The following MTCL1 variants were observed in gnomAD, a reference collection of about 807,000 sequenced individuals.
The protein encoded by MTCL1 is microtubule crosslinking factor 1, also known as microtubule cross-linking factor 1.
MTCL1 carries 79 observed loss-of-function variants against 141.4 expected under a neutral mutation model. That is an observed-to-expected ratio of 0.56 (90% CI 0.47 to 0.67). The LOEUF is 0.67. MTCL1 is among the 30% of genes least tolerant of loss of function. The probability of loss-of-function intolerance (pLI) is 0.00; values close to 1 mark genes in which losing one functional copy is unlikely to be tolerated. For missense variants in MTCL1, 2,177 were observed against 2,113.9 expected (o/e 1.03, Z -0.59); for synonymous variants, 914 against 875.8 (o/e 1.04, Z -0.77).
At chr18:8,786,120 C>CCAT (rs775582104) in intron 7 of MTCL1, 29 bp downstream of exon 6, 4 of 1,345,742 alleles carry the variant, frequency 3.0e-6, no homozygotes, top group Middle Eastern at 1.9e-4. Context: ...TCCCCCCCCC[C>CCAT]CGCCCTCCCC....
At position 8,730,012 on chromosome 18, in the gene MTCL1, G is replaced by A. The variant is rs369870257; in HGVS notation, c.357+9516G>A. On this transcript the variant is annotated intron_variant, in intron 4 of 16. Transcript: ENST00000359865. The stretch of plus-strand genomic sequence containing the variant: ...AACTTAGGTCAAGCTTCATTTTTTT[G>A]GCCTGTGAACACCCAGTTACTCTGG... 5.3e-5 allele frequency among the ~76,000 whole-genome samples: 8 copies of A among 151,586 alleles called. No homozygotes were observed. The East Asian group carries it at 5.8e-4, about 11-fold the overall frequency.
chr18:8,783,278 A>AT (rs940711797), intron 5 of MTCL1, among the ~76,000 whole-genome samples: 10 of 150,520 alleles, frequency 6.6e-5, no homozygotes, highest in African/African-American at 9.8e-5. Context: ...TTCCAAACTA[A>AT]TTTTTTTTTG....
At chr18:8,713,509 G>A (rs1428487721), upstream of MTCL1, among the ~76,000 whole-genome samples, 1 of 152,164 alleles carries the variant, frequency 6.6e-6, no homozygotes, top group African/African-American at 2.4e-5. Flanking sequence ...ATTGGAGCAT[G>A]CCGTCAGAAA....
At chr18:8,729,100 G>T (rs6506611) in intron 4 of MTCL1, among the ~76,000 whole-genome samples, 65,824 of 151,434 alleles carry the variant, frequency 0.43, 15,879 homozygotes, top group African/African-American at 0.63. Context: ...CTGGAGTCCA[G>T]TGGTGTGATC....
At position 8,805,758 on chromosome 18, in the gene MTCL1, A is replaced by G. The variant is rs1483363496; in HGVS notation, c.2437-1135A>G. On this transcript the variant is annotated intron_variant, in intron 10 of 16. Transcript: ENST00000359865. Reference sequence around the variant, plus strand: ...AGAGAGCTTTTATAACTCTTGCTTCATACATGCACCAAAAAAGAATGCCCT... The same window carrying G: ...AGAGAGCTTTTATAACTCTTGCTTCGTACATGCACCAAAAAAGAATGCCCT... Among the ~76,000 whole-genome samples, 7 of 152,172 alleles carry G rather than the reference A, an allele frequency of 4.6e-5. No homozygotes were observed. In the South Asian group the frequency reaches 1.0e-3, roughly 23 times the overall value.
intron 4 of MTCL1, among the ~76,000 whole-genome samples, chr18:8,730,639 G>A (rs1420466238): frequency 6.6e-6 from 1 of 152,180 alleles, no homozygotes; most frequent in South Asian, 2.1e-4. Flanking sequence ...CTTGTCCCCT[G>A]TGCGCTGTAC....
chr18:8,773,252 C>T (rs951856895), intron 4 of MTCL1, among the ~76,000 whole-genome samples: 3 of 152,164 alleles, frequency 2.0e-5, no homozygotes, highest in Admixed American at 6.5e-5. Flanking sequence ...CCCCTGCACC[C>T]CCTGCCATGC....
At chr18:8,736,915 C>T (rs894204966) in intron 4 of MTCL1, among the ~76,000 whole-genome samples, 5 of 152,164 alleles carry the variant, frequency 3.3e-5, no homozygotes, top group African/African-American at 4.8e-5. Context: ...GCTAGGATTA[C>T]AGGCGTGAGC....
chr18:8,738,969 G>A (rs1463726666), intron 4 of MTCL1, among the ~76,000 whole-genome samples: 4 of 152,198 alleles, frequency 2.6e-5, no homozygotes, highest in African/African-American at 9.7e-5. Context: ...CAGGCATGGT[G>A]GAGCACGCCT....
chr18:8,741,753 A>C (rs1395563281), intron 4 of MTCL1, among the ~76,000 whole-genome samples: 2 of 152,202 alleles, frequency 1.3e-5, no homozygotes, highest in South Asian at 4.1e-4. Context: ...TTCTCAGTGG[A>C]CTTGGTGGCC....
chr18:8,717,928 C>T lies in MTCL1; in HGVS notation c.-62C>T, dbSNP rs986466181. On this transcript the variant is annotated 5_prime_UTR_variant, in exon 2 of 17. Transcript: ENST00000359865. ...GCGTCGCTTAGTCAATGCTGAGATG[C>T]GTCTTGTGGAACAGAATTTTTGGGA... is the stretch of plus-strand genomic sequence containing the variant. 5 of 996,036 alleles carry T rather than the reference C, an allele frequency of 5.0e-6. No individual in the cohort carries two copies. The African/African-American group carries it at 7.0e-5, about 14-fold the overall frequency. The allele number at this position is 996,036 out of a possible 1,614,324, so 61.7% of individuals were successfully genotyped here.
intron 4 of MTCL1, among the ~76,000 whole-genome samples, chr18:8,730,716 G>A (rs982668779): frequency 9.2e-5 from 14 of 152,182 alleles, no homozygotes; most frequent in African/African-American, 3.4e-4. Context: ...GGACCTTTTA[G>A]GGCAGATTAT....
rs916759473 is a variant in MTCL1 at position 8,810,193 on chromosome 18, C to T, written c.2605-2786C>T. 4 of 152,868 alleles carry T rather than the reference C, an allele frequency of 2.6e-5. No homozygotes were observed. The highest frequency in any genetic ancestry group is 2.9e-5 in the Non-Finnish European group (2 of 68,580). 9.5% of individuals were successfully genotyped at this position (152,868 alleles called of 1,614,324 possible). A position where few individuals can be genotyped will look rare whatever the true frequency, so the allele number is the denominator to read the frequency against. On this transcript the variant is annotated intron_variant, in intron 11 of 16. Coordinates refer to ENST00000359865, the Ensembl canonical transcript of MTCL1. This position sits in a 1 kb window ranked among gnomAD's most constrained non-coding sequence, Gnocchi z 5.0. ...TGCAAAACTTGACAAGAACAGTTGC[C>T]GTCAGGTGTGCGGGGCTGAAGGACT...
At chr18:8,824,720 G>A in exon 15 of MTCL1, 1 of 1,613,216 alleles carries the variant, frequency 6.2e-7, no homozygotes, top group Non-Finnish European at 8.5e-7. Context: ...TGTCCTCCAT[G>A]TCTGAGTTCC....
chr18:8,823,882 A>G (rs1475722863), intron 14 of MTCL1, among the ~76,000 whole-genome samples: 1 of 152,180 alleles, frequency 6.6e-6, no homozygotes, highest in Non-Finnish European at 1.5e-5. Context: ...GGAGTGGTCC[A>G]TACACTCAAT....
In MTCL1 at chr18:8,756,493, GTATATA is replaced by G. The variant is rs1567984077; in HGVS notation, c.358-21338_358-21333del. On this transcript the variant is annotated intron_variant, in intron 4 of 16. Transcript: ENST00000359865. ...TATGTGTGTATATGTGTGTATATATGTATATATGTGTGTATATATATGTGTGTATAT... is the reference window on the plus strand; with the variant it reads ...TATGTGTGTATATGTGTGTATATATGTGTGTGTATATATATGTGTGTATAT... Among the ~76,000 whole-genome samples the G allele has an allele frequency of 2.9e-3, 411 of 143,192 alleles. 2 individuals carry two copies. Among genetic ancestry groups the G allele is most frequent in the African/African-American group, 0.012 (399 of 33,690 alleles). 93.9% of individuals were successfully genotyped at this position (143,192 alleles called of 152,430 possible).
At chr18:8,821,314 G>A (rs1447755355) in intron 13 of MTCL1, among the ~76,000 whole-genome samples, 153 bp from the exon 13 acceptor site, 2 of 152,164 alleles carry the variant, frequency 1.3e-5, no homozygotes, top group Non-Finnish European at 2.9e-5. Flanking sequence ...AAAGGCCTCA[G>A]GGCAGTAGCA....
chr18:8,825,128 G>T (rs200633031), exon 15 of MTCL1: 1 of 1,590,260 alleles, frequency 6.3e-7, no homozygotes, highest in African/African-American at 1.3e-5. Context: ...ACAGCATCAC[G>T]GCGGCAGGTG....
intron 4 of MTCL1, among the ~76,000 whole-genome samples, chr18:8,748,847 C>T (rs922258896): frequency 6.6e-6 from 1 of 152,010 alleles, no homozygotes; most frequent in Non-Finnish European, 1.5e-5. Flanking sequence ...ATGAAACTGA[C>T]AGGGGACCTT....
Sources: gnomAD v4.1 joint callset for allele counts (sites outside exome capture counted in the v4.1 genomes callset) on GRCh38, gnomAD v4.1.1 for gene constraint, Gnocchi (gnomAD v3.1) non-coding constraint, MANE v1.5 for transcripts, NCBI Gene and HGNC (gene_info 2026-07-23, HGNC 2026-07-21) for gene names.